Variants in SCRN1 observed in about 807,000 individuals in gnomAD.
SCRN1 encodes the protein secernin 1.
SCRN1 carries 19 observed loss-of-function variants against 43.3 expected under a neutral mutation model. The observed-to-expected ratio is 0.44, with a 90% CI of 0.31 to 0.64. The LOEUF is 0.64. Ranked by LOEUF, SCRN1 falls within the 30% of genes least tolerant of loss-of-function variation. The pLI, the probability that SCRN1 is intolerant of heterozygous loss-of-function variation, is 0.09. For missense variants in SCRN1, 447 were observed against 524.1 expected (o/e 0.85, Z 1.44); for synonymous variants, 183 against 188.9 (o/e 0.97, Z 0.26).
intron 1 of SCRN1, 131 bp downstream of exon 1, chr7:29,989,511 G>A: frequency 1.0e-6 from 1 of 973,974 alleles, no homozygotes; most frequent in Non-Finnish European, 1.2e-6. Flanking sequence ...GAATCGGCCT[G>A]GGGTAACGCT....
At chr7:29,948,568 C>G (rs1787811076) in intron 3 of SCRN1, among the ~76,000 whole-genome samples, 1 of 152,152 alleles carries the variant, frequency 6.6e-6, no homozygotes, top group Admixed American at 6.5e-5. Context: ...TGCTGAAGGT[C>G]TGATGGAATG....
rs1788460104 is a variant in SCRN1 at position 29,965,563 on chromosome 7, A to G, written c.159+3346T>C. On this transcript the variant is annotated intron_variant, in intron 2 of 7. Coordinates refer to ENST00000242059, the MANE Select transcript of SCRN1 (RefSeq NM_014766.5). The surrounding 1 kb of genome is among the most constrained non-coding windows in gnomAD (Gnocchi z 4.2). Reference sequence around the variant, plus strand: ...ACAATGCATATGTTGTTACAGCAACATATATGAGCTGGGGGAAATGAATTT... The same window carrying G: ...ACAATGCATATGTTGTTACAGCAACGTATATGAGCTGGGGGAAATGAATTT... 6.6e-6 allele frequency among the ~76,000 whole-genome samples: 1 copy of G among 152,178 alleles called. No homozygotes were observed. The highest frequency in any genetic ancestry group is 1.5e-5 in the Non-Finnish European group (1 of 68,028).
rs1252205630 is a variant in SCRN1 at position 29,986,574 on chromosome 7, AT to A, written c.-2+3067del. The stretch of plus-strand genomic sequence containing the variant: ...CTAATGAAAACGGATTTAAAAAAAA[AT>A]AACTTTTGTTTATCTGTATTCTTAT... On this transcript the variant is annotated intron_variant, in intron 1 of 7. Transcript: ENST00000242059. 3.3e-5 allele frequency among the ~76,000 whole-genome samples: 5 copies of A among 152,256 alleles called. No individual in the cohort carries two copies. The South Asian group carries it at 6.2e-4, about 19-fold the overall frequency.
At chr7:29,943,215 A>G (rs1002548214) in intron 4 of SCRN1, among the ~76,000 whole-genome samples, 1 of 152,232 alleles carries the variant, frequency 6.6e-6, no homozygotes, top group Non-Finnish European at 1.5e-5. Flanking sequence ...GTCACCACCC[A>G]GTCCCAAGGA....
In SCRN1 at chr7:29,961,133, G is replaced by T. The variant is rs1370028718; in HGVS notation, c.160-5773C>A. On this transcript the variant is annotated intron_variant, in intron 2 of 7. Transcript: ENST00000242059. Reference sequence around the variant, plus strand: ...TTCTCACAGAGGGGGATTTGGCAGGGTCATGGGACAATAGTGGAGGGAAGG... The same window carrying T: ...TTCTCACAGAGGGGGATTTGGCAGGTTCATGGGACAATAGTGGAGGGAAGG... Among the ~76,000 whole-genome samples the T allele has an allele frequency of 2.8e-5, 4 of 140,822 alleles. No individual in the cohort carries two copies. In the South Asian group the frequency reaches 9.6e-4, roughly 34 times the overall value. The allele number at this position is 140,822 out of a possible 152,430, so 92.4% of individuals were successfully genotyped here.
At chr7:29,971,056 G>A (rs1392104258) in intron 1 of SCRN1, among the ~76,000 whole-genome samples, 1 of 152,062 alleles carries the variant, frequency 6.6e-6, no homozygotes, top group African/African-American at 2.4e-5. Flanking sequence ...ACCAACTATT[G>A]TATTTGTGTC....
intron 6 of SCRN1, among the ~76,000 whole-genome samples, chr7:29,931,991 C>T (rs1040618542): frequency 6.6e-6 from 1 of 151,260 alleles, no homozygotes; most frequent in African/African-American, 2.4e-5. Flanking sequence ...TTAAAACAAA[C>T]AAAAAAAAAC....
rs143621731 is a variant in SCRN1, at chr7:29,956,586, T to A, written c.160-1226A>T. On this transcript the variant is annotated intron_variant, in intron 2 of 7. Coordinates refer to ENST00000242059, the MANE Select transcript of SCRN1 (RefSeq NM_014766.5). Reference sequence around the variant, plus strand: ...AAAGCTATTCTGTATTGATTTCCCATAATCGCTAAACCTCAGGTAAGAGCT... The same window carrying A: ...AAAGCTATTCTGTATTGATTTCCCAAAATCGCTAAACCTCAGGTAAGAGCT... Among the ~76,000 whole-genome samples the A allele has an allele frequency of 6.0e-4, 92 of 152,354 alleles. 1 individual carries two copies. Among genetic ancestry groups the A allele is most frequent in the African/African-American group, 2.0e-3 (83 of 41,588 alleles).
chr7:29,945,375 C>T lies in SCRN1; in HGVS notation c.342-1196G>A, dbSNP rs150216064. 3.8e-3 allele frequency among the ~76,000 whole-genome samples: 575 copies of T among 152,312 alleles called. 4 individuals are homozygous for T. Among genetic ancestry groups the T allele is most frequent in the African/African-American group, 0.013 (552 of 41,562 alleles). On this transcript the variant is annotated intron_variant, in intron 3 of 7. Coordinates refer to ENST00000242059, the MANE Select transcript of SCRN1 (RefSeq NM_014766.5). ...TTCTCGTGATAGTGAATAAGACTCA[C>T]AAGATCTGATGAGTTTATCAGGGGC...
intron 1 of SCRN1, among the ~76,000 whole-genome samples, chr7:29,979,888 T>C (rs1037310507): frequency 2.0e-5 from 3 of 152,230 alleles, no homozygotes; most frequent in African/African-American, 4.8e-5. Flanking sequence ...CGTTTTCCTA[T>C]ACATGGCAGG....
At chr7:29,956,832 G>C (rs1378799530) in intron 2 of SCRN1, among the ~76,000 whole-genome samples, 1 of 151,738 alleles carries the variant, frequency 6.6e-6, no homozygotes, top group Non-Finnish European at 1.5e-5. Context: ...GTTCCCAAAA[G>C]TTATTTATTT....
chr7:29,986,846 TCCC>T (rs1411125975), intron 1 of SCRN1, among the ~76,000 whole-genome samples: 3 of 146,792 alleles, frequency 2.0e-5, no homozygotes, highest in African/African-American at 7.6e-5. Flanking sequence ...TGCCTCAGCC[TCCC>T]AAGTAGCTGG....
intron 2 of SCRN1, among the ~76,000 whole-genome samples, chr7:29,958,956 G>A (rs896502697): frequency 1.3e-5 from 2 of 152,212 alleles, no homozygotes; most frequent in Non-Finnish European, 2.9e-5. Context: ...TAGGTTGGAG[G>A]ATAGAAAACA....
chr7:29,947,995 T>G (rs1338715227), intron 3 of SCRN1, among the ~76,000 whole-genome samples: 1 of 152,174 alleles, frequency 6.6e-6, no homozygotes, highest in African/African-American at 2.4e-5. Context: ...AAAATAAATT[T>G]GTGTAGTTTC....
In SCRN1 at chr7:29,950,366, G is replaced by C. The variant is rs1787880175; in HGVS notation, c.341+4813C>G. Among the ~76,000 whole-genome samples, 1 of 152,218 alleles carries C rather than the reference G, an allele frequency of 6.6e-6. No homozygotes were observed. The highest frequency in any genetic ancestry group is 1.9e-4 in the East Asian group (1 of 5,190). ...AATGAGCACAGGAGGGAGGCTGGGA[G>C]GGCTGAGGGCAGCTCAGTGTGGGCC... On this transcript the variant is annotated intron_variant, in intron 3 of 7. Coordinates refer to ENST00000242059, the MANE Select transcript of SCRN1 (RefSeq NM_014766.5). The surrounding 1 kb of genome is among the most constrained non-coding windows in gnomAD (Gnocchi z 4.5).
chr7:29,979,762 C>T (rs1386792134), intron 1 of SCRN1, among the ~76,000 whole-genome samples: 3 of 152,178 alleles, frequency 2.0e-5, no homozygotes, highest in Non-Finnish European at 2.9e-5. Flanking sequence ...GGCATCTGTT[C>T]TTGGATACAT....
At chr7:29,936,458 A>G in intron 6 of SCRN1, 98 bp downstream of exon 6, 1 of 1,124,990 alleles carries the variant, frequency 8.9e-7, no homozygotes, top group Non-Finnish European at 1.2e-6. Flanking sequence ...TTTGCTATCC[A>G]AGGGGAGGAC....
At chr7:29,934,120 C>T (rs916860012) in intron 6 of SCRN1, among the ~76,000 whole-genome samples, 1 of 152,210 alleles carries the variant, frequency 6.6e-6, no homozygotes, top group Non-Finnish European at 1.5e-5. Flanking sequence ...GTAGGAAATG[C>T]AGCTCTTTTA....
chr7:29,949,825 C>T (rs1177936527), intron 3 of SCRN1, among the ~76,000 whole-genome samples: 2 of 151,438 alleles, frequency 1.3e-5, no homozygotes, highest in Non-Finnish European at 2.9e-5. Flanking sequence ...AAGCATGCAA[C>T]AGTGCAACCA....
Sources: gnomAD v4.1 joint callset for allele counts (sites outside exome capture counted in the v4.1 genomes callset) on GRCh38, gnomAD v4.1.1 for gene constraint, Gnocchi (gnomAD v3.1) non-coding constraint, MANE v1.5 for transcripts, NCBI Gene and HGNC (gene_info 2026-07-23, HGNC 2026-07-21) for gene names.